ARHGAP26: variants seen among roughly 807,000 people sequenced by gnomAD.
The protein encoded by ARHGAP26 is Rho GTPase activating protein 26.
ARHGAP26 carries 38 observed loss-of-function variants against 104.8 expected under a neutral mutation model. The ratio of observed to expected loss-of-function variants is 0.36; its 90% CI spans 0.28 to 0.48. The LOEUF (loss-of-function observed/expected upper bound fraction) is 0.48. Ranked by LOEUF, ARHGAP26 falls within the 20% of genes least tolerant of loss-of-function variation. The pLI is 0.99. For missense variants in ARHGAP26, 704 were observed against 947.9 expected, an observed-to-expected ratio of 0.74 and a Z score of 3.38; for synonymous variants, 341 against 340.0, an observed-to-expected ratio of 1.00 and a Z score of -0.03.
chr5:143,030,077 C>A (rs1781639932), intron 12 of ARHGAP26, among the ~76,000 whole-genome samples: 1 of 152,124 alleles, frequency 6.6e-6, no homozygotes, highest in Non-Finnish European at 1.5e-5. Flanking sequence ...AAGTTTTCTT[C>A]TATTCAAATT....
At chr5:142,865,999 C>T (rs1010137204) in intron 1 of ARHGAP26, among the ~76,000 whole-genome samples, 1 of 151,886 alleles carries the variant, frequency 6.6e-6, no homozygotes, top group Admixed American at 6.6e-5. Context: ...CTTTAAGGTT[C>T]AGCTCAAACG....
chr5:143,022,061 C>T (rs1453608168), intron 12 of ARHGAP26, among the ~76,000 whole-genome samples: 1 of 148,046 alleles, frequency 6.8e-6, no homozygotes, highest in African/African-American at 2.5e-5. Flanking sequence ...TCTCTGAAAT[C>T]CCCTGATTTT....
intron 1 of ARHGAP26, among the ~76,000 whole-genome samples, chr5:142,835,842 G>T (rs972869609): frequency 6.6e-6 from 1 of 152,186 alleles, no homozygotes. Context: ...AGCTCTTACA[G>T]TGATCTCAAT....
At chr5:142,932,454 T>C (rs917095609) in intron 11 of ARHGAP26, among the ~76,000 whole-genome samples, 2 of 152,190 alleles carry the variant, frequency 1.3e-5, no homozygotes, top group African/African-American at 4.8e-5. Context: ...TCAGGATGGA[T>C]GGAGGGAGGT....
At chr5:143,190,584 C>T (rs1805794688) in intron 20 of ARHGAP26, among the ~76,000 whole-genome samples, 1 of 151,754 alleles carries the variant, frequency 6.6e-6, no homozygotes, top group Admixed American at 6.6e-5. Context: ...TAGAAGAAAG[C>T]ATAGGAGAAA....
intron 11 of ARHGAP26, among the ~76,000 whole-genome samples, chr5:142,934,589 A>G (rs928648164): frequency 3.9e-5 from 6 of 152,140 alleles, no homozygotes; most frequent in Admixed American, 6.5e-5. Context: ...TTTAATCACC[A>G]TCTCCCTAAT....
chr5:142,878,716 A>G (rs1756492008), intron 3 of ARHGAP26, among the ~76,000 whole-genome samples: 1 of 152,222 alleles, frequency 6.6e-6, no homozygotes, highest in Non-Finnish European at 1.5e-5. Context: ...TTGGGAACAC[A>G]GTGTCTGAAA....
intron 20 of ARHGAP26, chr5:143,166,093 A>G: frequency 7.6e-7 from 1 of 1,313,628 alleles, no homozygotes; most frequent in Non-Finnish European, 1.0e-6. Flanking sequence ...CGTGATGGGC[A>G]CAAGGTGAGA....
chr5:142,910,198 T>TG (rs1357515027), intron 9 of ARHGAP26, among the ~76,000 whole-genome samples: 2 of 152,176 alleles, frequency 1.3e-5, no homozygotes, highest in East Asian at 3.9e-4. Flanking sequence ...TTTCCTCCTT[T>TG]TACAAAGGAG....
chr5:142,958,269 A>C (rs961249558), intron 11 of ARHGAP26, among the ~76,000 whole-genome samples: 10 of 152,224 alleles, frequency 6.6e-5, no homozygotes, highest in Non-Finnish European at 1.2e-4. Context: ...TAAAATGCCT[A>C]AATATTTAGT....
rs571497814 is a variant in ARHGAP26 at position 142,898,232 on chromosome 5, A to G, written c.598-3703A>G. Among the ~76,000 whole-genome samples the G allele has an allele frequency of 1.2e-4, 18 of 152,108 alleles. No homozygotes were observed. In the South Asian group the frequency reaches 3.7e-3, roughly 32 times the overall value. On this transcript the variant is annotated intron_variant, in intron 6 of 22. Coordinates refer to ENST00000645722, the MANE Select transcript of ARHGAP26 (RefSeq NM_001135608.3). ...TACATATACATATATACGTATGTGC[A>G]TATATATATGTATATGTATGTATAT... is the stretch of plus-strand genomic sequence containing the variant.
chr5:143,083,115 C>A (rs143285870), intron 17 of ARHGAP26, among the ~76,000 whole-genome samples: 24 of 152,302 alleles, frequency 1.6e-4, no homozygotes, highest in African/African-American at 5.5e-4. Context: ...GAGCTGGAGA[C>A]TTTTTCTTCG....
intron 14 of ARHGAP26, among the ~76,000 whole-genome samples, chr5:143,050,619 A>G (rs973463496): frequency 3.3e-5 from 5 of 152,190 alleles, no homozygotes; most frequent in African/African-American, 1.2e-4. Context: ...ATGCTTTATG[A>G]TGATTTCTAA....
intron 17 of ARHGAP26, among the ~76,000 whole-genome samples, chr5:143,094,359 G>A (rs1483261269): frequency 1.3e-5 from 2 of 152,140 alleles, no homozygotes; most frequent in Admixed American, 1.3e-4. Context: ...TTTCCCTCGC[G>A]TTGCTGAGAG....
chr5:142,920,227 G>T (rs1304181859), intron 10 of ARHGAP26, among the ~76,000 whole-genome samples: 1 of 152,224 alleles, frequency 6.6e-6, no homozygotes, highest in Non-Finnish European at 1.5e-5. Flanking sequence ...GCAGCCATTA[G>T]TGGTAGCAGG....
chr5:142,870,292 C>T (rs1184950772), intron 1 of ARHGAP26, among the ~76,000 whole-genome samples: 1 of 152,308 alleles, frequency 6.6e-6, no homozygotes, highest in African/African-American at 2.4e-5. Flanking sequence ...TGGGCTGCTC[C>T]ATATCCAAGG....
intron 1 of ARHGAP26, among the ~76,000 whole-genome samples, chr5:142,778,036 A>G (rs1194822777): frequency 1.3e-5 from 2 of 152,164 alleles, no homozygotes; most frequent in Non-Finnish European, 2.9e-5. Flanking sequence ...GTGAGAGATG[A>G]TGGCACCGTG....
At chr5:142,832,469 C>G (rs565700435) in intron 1 of ARHGAP26, among the ~76,000 whole-genome samples, 28 of 152,366 alleles carry the variant, frequency 1.8e-4, no homozygotes, top group Middle Eastern at 3.4e-3. Context: ...GCAGCAGGAC[C>G]TGACCTTGCT....
At chr5:143,057,424 T>C (rs903109684) in intron 16 of ARHGAP26, among the ~76,000 whole-genome samples, 1 of 152,132 alleles carries the variant, frequency 6.6e-6, no homozygotes, top group Non-Finnish European at 1.5e-5. Context: ...GATTTTTTGA[T>C]GACAATTTTT....
Sources: allele counts gnomAD v4.1 joint callset (sites outside exome capture counted in the v4.1 genomes callset), GRCh38; gene constraint gnomAD v4.1.1; transcripts MANE v1.5; gene names NCBI Gene and HGNC (gene_info 2026-07-23, HGNC 2026-07-21).